CDKAL1: variants seen among roughly 807,000 people sequenced by gnomAD.
The protein encoded by CDKAL1 is threonylcarbamoyladenosine tRNA methylthiotransferase.
In CDKAL1, 32 loss-of-function variants were observed where a neutral mutation model predicts 68.2. The ratio of observed to expected loss-of-function variants is 0.47; its 90% confidence interval spans 0.35 to 0.63. The LOEUF (loss-of-function observed/expected upper bound fraction) is 0.63. CDKAL1 is among the 30% of genes least tolerant of loss of function. The probability of loss-of-function intolerance (pLI) is 0.00; values close to 1 mark genes in which losing one functional copy is unlikely to be tolerated. For synonymous variants in CDKAL1, 234 were observed against 244.3 expected (o/e 0.96, Z 0.39); for missense variants, 606 against 696.7 (o/e 0.87, Z 1.47).
At chr6:20,650,947 G>A (rs1422519984) in intron 5 of CDKAL1, among the ~76,000 whole-genome samples, 1 of 152,108 alleles carries the variant, frequency 6.6e-6, no homozygotes, top group Non-Finnish European at 1.5e-5. Flanking sequence ...TGAAGTTTTG[G>A]TTACTGTAGC....
At chr6:21,103,543 G>C (rs1773694123) in intron 12 of CDKAL1, among the ~76,000 whole-genome samples, 1 of 152,082 alleles carries the variant, frequency 6.6e-6, no homozygotes, top group African/African-American at 2.4e-5. Context: ...AGATTCTCGG[G>C]AATCTAGAAG....
chr6:20,813,881 T>C (rs1488592938), intron 8 of CDKAL1, among the ~76,000 whole-genome samples: 1 of 152,078 alleles, frequency 6.6e-6, no homozygotes, highest in Non-Finnish European at 1.5e-5. Flanking sequence ...TCATTCTTTT[T>C]TCAAAAAATT....
At chr6:20,706,221 AC>A (rs1270566803) in intron 5 of CDKAL1, among the ~76,000 whole-genome samples, 1 of 152,118 alleles carries the variant, frequency 6.6e-6, no homozygotes, top group African/African-American at 2.4e-5. Context: ...ATCCAGAGAT[AC>A]CCATGCCTCT....
intron 15 of CDKAL1, among the ~76,000 whole-genome samples, chr6:21,213,055 G>A (rs989546764): frequency 2.0e-5 from 3 of 152,194 alleles, no homozygotes; most frequent in Non-Finnish European, 1.5e-5. Flanking sequence ...GGCTCCCAGG[G>A]CTTCCTCCTT....
At chr6:20,900,553 T>TA (rs1401595292) in intron 9 of CDKAL1, among the ~76,000 whole-genome samples, 1 of 152,214 alleles carries the variant, frequency 6.6e-6, no homozygotes, top group African/African-American at 2.4e-5. Flanking sequence ...AGGCTGCTGT[T>TA]AAACTTAATG....
chr6:20,616,003 AG>A (rs1163506421), intron 4 of CDKAL1, among the ~76,000 whole-genome samples: 1 of 150,098 alleles, frequency 6.7e-6, no homozygotes, highest in South Asian at 2.2e-4. Flanking sequence ...ACATATGGCT[AG>A]CCAGTTTTCC....
intron 4 of CDKAL1, among the ~76,000 whole-genome samples, chr6:20,561,421 G>A (rs572224902): frequency 6.8e-5 from 9 of 131,514 alleles, no homozygotes; most frequent in Admixed American, 4.3e-4. Flanking sequence ...CAGCCTGGGC[G>A]ACAGAGCAAG....
chr6:20,698,079 TAGTC>T (rs1375364192), intron 5 of CDKAL1, among the ~76,000 whole-genome samples: 1 of 152,222 alleles, frequency 6.6e-6, no homozygotes, highest in African/African-American at 2.4e-5. Flanking sequence ...TGGTGGGTTT[TAGTC>T]AGTTTTGTGA....
intron 13 of CDKAL1, among the ~76,000 whole-genome samples, chr6:21,159,101 C>CTT (rs10645059): frequency 0.22 from 29,601 of 135,488 alleles, 3,238 homozygotes; most frequent in Non-Finnish European, 0.25. Context: ...CTGAAACCTC[C>CTT]TTTTTTTTTT....
chr6:20,655,810 CT>C (rs901092394), intron 5 of CDKAL1, among the ~76,000 whole-genome samples: 48 of 152,204 alleles, frequency 3.2e-4, no homozygotes, highest in African/African-American at 1.1e-3. Flanking sequence ...TCTAAGGTCT[CT>C]GGCTAGAATG....
chr6:21,198,014 T>A lies in CDKAL1; in HGVS notation c.1300-7T>A. 6.3e-7 allele frequency: 1 copy of A among 1,578,954 alleles called. No homozygotes were observed. The highest frequency in any genetic ancestry group is 8.7e-7 in the Non-Finnish European group (1 of 1,154,744). ...TTTCCTTTCTTTCCCTCCCCTTCTC[T>A]CCACAGATTGGTGAAAGACAACAAG... is the stretch of plus-strand genomic sequence containing the variant. On this transcript the variant is annotated splice_region_variant and splice_polypyrimidine_tract_variant and intron_variant, in intron 13 of 15. Coordinates refer to ENST00000274695, the MANE Select transcript of CDKAL1 (RefSeq NM_017774.3).
intron 13 of CDKAL1, among the ~76,000 whole-genome samples, chr6:21,109,814 T>C (rs890197758): frequency 6.6e-6 from 1 of 152,176 alleles, no homozygotes; most frequent in African/African-American, 2.4e-5. Flanking sequence ...AAGTTAACAT[T>C]TAACAACAAC....
rs568776164 is a variant in CDKAL1 at position 20,896,057 on chromosome 6, A to T, written c.742+49879A>T. ...GACAGATAAAATTGAAGAGATTGGG[A>T]TTGGAAATGGCTTCTTTTTTTCTTT... is the stretch of plus-strand genomic sequence containing the variant. On this transcript the variant is annotated intron_variant, in intron 9 of 15. Coordinates refer to ENST00000274695, the MANE Select transcript of CDKAL1 (RefSeq NM_017774.3). Among the ~76,000 whole-genome samples the T allele has an allele frequency of 5.3e-5, 8 of 150,150 alleles. No individual in the cohort carries two copies. In the South Asian group the frequency reaches 1.7e-3, roughly 32 times the overall value.
intron 13 of CDKAL1, among the ~76,000 whole-genome samples, chr6:21,152,532 C>T (rs1197765126): frequency 2.0e-5 from 3 of 152,210 alleles, no homozygotes; most frequent in African/African-American, 4.8e-5. Flanking sequence ...AGCGAACATT[C>T]GTCCAGTCAA....
intron 10 of CDKAL1, among the ~76,000 whole-genome samples, chr6:20,961,112 A>G (rs1765034383): frequency 6.6e-6 from 1 of 152,190 alleles, no homozygotes; most frequent in Non-Finnish European, 1.5e-5. Context: ...AAGTATCTGG[A>G]TTTTATGTAT....
intron 12 of CDKAL1, among the ~76,000 whole-genome samples, chr6:21,067,570 C>T (rs1047210614): frequency 6.6e-5 from 10 of 152,088 alleles, no homozygotes; most frequent in Admixed American, 2.0e-4. Context: ...TGAGATGGTT[C>T]CACTGCAGCA....
At chr6:21,003,371 T>TATATATATACACACACACACACACACAC in intron 11 of CDKAL1, among the ~76,000 whole-genome samples, 4 of 49,298 alleles carry the variant, frequency 8.1e-5, no homozygotes. Flanking sequence ...TATATATATA[T>TATATATATACACACACACACACACACAC]ACACACACAC....
At chr6:20,878,931 T>A (rs1760675944) in intron 9 of CDKAL1, among the ~76,000 whole-genome samples, 1 of 150,214 alleles carries the variant, frequency 6.7e-6, no homozygotes, top group African/African-American at 2.5e-5. Context: ...ATACAAAAAT[T>A]AGTCAGGCAT....
intron 8 of CDKAL1, among the ~76,000 whole-genome samples, chr6:20,832,938 C>T (rs966629411): frequency 2.0e-5 from 3 of 152,062 alleles, no homozygotes; most frequent in Admixed American, 6.6e-5. Flanking sequence ...GTCCTGAGTG[C>T]AATTTTGTCT....
Sources: gnomAD v4.1 joint callset for allele counts (sites outside exome capture counted in the v4.1 genomes callset) on GRCh38, gnomAD v4.1.1 for gene constraint, MANE v1.5 for transcripts, NCBI Gene and HGNC (gene_info 2026-07-23, HGNC 2026-07-21) for gene names.